DCUN1D1: variants seen among roughly 807,000 people sequenced by gnomAD.
DCUN1D1 encodes the protein DCN1-like protein 1.
DCUN1D1 carries 3 observed loss-of-function variants against 39.0 expected under a neutral mutation model. That is an observed-to-expected ratio of 0.08 (90% CI 0.04 to 0.20). The LOEUF is 0.20. Ranked by LOEUF, DCUN1D1 falls within the 10% of genes least tolerant of loss-of-function variation. The probability of loss-of-function intolerance (pLI) is 1.00; values close to 1 mark genes in which losing one functional copy is unlikely to be tolerated. For synonymous variants in DCUN1D1, 82 were observed against 96.3 expected (o/e 0.85, Z 0.87); for missense variants, 158 against 302.4 (o/e 0.52, Z 3.54).
intron 1 of DCUN1D1, among the ~76,000 whole-genome samples, chr3:182,975,801 T>G (rs1728204452): frequency 7.8e-6 from 1 of 127,666 alleles, no homozygotes; most frequent in East Asian, 2.3e-4. Context: ...CTCTGCCACA[T>G]ACTAGCATGA....
chr3:182,961,440 T>G, intron 3 of DCUN1D1, 84 bp from the exon 4 acceptor site: 1 of 1,214,784 alleles, frequency 8.2e-7, no homozygotes, highest in Non-Finnish European at 1.2e-6. Context: ...GGCTTACATT[T>G]ATTTCCTAGA....
rs1256870172 is a variant in DCUN1D1, at chr3:182,940,565, T to G, written c.*4529A>C. 1 of 152,188 alleles carries G rather than the reference T, an allele frequency of 6.6e-6. No individual in the cohort carries two copies. The highest frequency in any genetic ancestry group is 2.4e-5 in the African/African-American group (1 of 41,444). The allele number at this position is 152,188 out of a possible 1,614,324, so 9.4% of individuals were successfully genotyped here. ...CTAAAGCCAATCATTAAAAAAAATT[T>G]TTTTAACTGAGTATTTTTCCCCAAA... is the stretch of plus-strand genomic sequence containing the variant. On this transcript the variant is annotated 3_prime_UTR_variant, in exon 7 of 7. Transcript: ENST00000292782.
chr3:182,973,900 G>A (rs949731631), intron 1 of DCUN1D1, among the ~76,000 whole-genome samples: 3 of 152,020 alleles, frequency 2.0e-5, no homozygotes, highest in African/African-American at 7.2e-5. Flanking sequence ...TTAAAAAGTA[G>A]GCAACTAATG....
At chr3:182,950,639 G>C (rs1051704122) in intron 4 of DCUN1D1, 6 of 151,922 alleles carry the variant, frequency 3.9e-5, no homozygotes, top group African/African-American at 1.5e-4. Context: ...ATAGCACTCA[G>C]AGTCTTCTAC....
At chr3:182,951,981 C>T (rs1191850027) in intron 4 of DCUN1D1, among the ~76,000 whole-genome samples, 1 of 152,120 alleles carries the variant, frequency 6.6e-6, no homozygotes, top group East Asian at 1.9e-4. Context: ...CAGGTGTGAG[C>T]CACCACGCAC....
intron 4 of DCUN1D1, among the ~76,000 whole-genome samples, chr3:182,950,158 T>C (rs1270856255): frequency 2.0e-5 from 3 of 151,516 alleles, no homozygotes; most frequent in African/African-American, 7.3e-5. Context: ...TCACTTATCT[T>C]TTTTTTTTGA....
At position 182,939,842 on chromosome 3, in the gene DCUN1D1, A is replaced by G. The variant is rs576266606; in HGVS notation, c.*5252T>C. 1.3e-5 allele frequency: 2 copies of G among 152,308 alleles called. No homozygotes were observed. The highest frequency in any genetic ancestry group is 3.4e-3 in the Middle Eastern group (1 of 294). The allele number at this position is 152,308 out of a possible 1,614,324, so 9.4% of individuals were successfully genotyped here. ...AATTTTACAGTGTGTAAATTATACA[A>G]AGCAATTTTTTAAGTACCATTGTAA... On this transcript the variant is annotated 3_prime_UTR_variant, in exon 7 of 7. Coordinates refer to ENST00000292782, the MANE Select transcript of DCUN1D1 (RefSeq NM_020640.4).
At chr3:182,974,088 C>T (rs1377953081) in intron 1 of DCUN1D1, among the ~76,000 whole-genome samples, 2 of 151,536 alleles carry the variant, frequency 1.3e-5, no homozygotes, top group Admixed American at 1.3e-4. Flanking sequence ...CCTGTCTCTA[C>T]TAAAAATACA....
In DCUN1D1 at chr3:182,965,557, T is replaced by C. The variant is rs1727629167; in HGVS notation, c.200A>G (p.Gln67Arg). The change falls in exon 2 of 7, where the codon CAG becomes CGG. Residue 67 changes from glutamine (Q) to arginine (R), a missense_variant. Physicochemically the swap from Gln to Arg is conservative, Grantham distance 43. This residue lies in a region of DCUN1D1 where 107 missense variants were observed against 174.7 expected (regional missense o/e 0.61). Coordinates refer to ENST00000292782, the MANE Select transcript of DCUN1D1 (RefSeq NM_020640.4). ...CTCACCTTTGTATCTATTGTACAGCTGTTCTAACTTCTTCCTGTCCAATGA... is the reference window on the plus strand; with the variant it reads ...CTCACCTTTGTATCTATTGTACAGCCGTTCTAACTTCTTCCTGTCCAATGA... Reference protein sequence around the residue: ...KGSLDRKKLEQLYNRYKDPQD... With the variant: ...KGSLDRKKLERLYNRYKDPQD... 1 of 1,612,870 alleles carries C rather than the reference T, an allele frequency of 6.2e-7. No homozygotes were observed. The highest frequency in any genetic ancestry group is 8.5e-7 in the Non-Finnish European group (1 of 1,179,040).
intron 4 of DCUN1D1, among the ~76,000 whole-genome samples, chr3:182,950,417 A>G (rs899342058): frequency 3.9e-5 from 6 of 151,992 alleles, no homozygotes; most frequent in African/African-American, 1.4e-4. Context: ...AAGTGCTGGG[A>G]TTACAGGCAT....
At chr3:182,945,479 T>C (rs1199138977) in intron 6 of DCUN1D1, among the ~76,000 whole-genome samples, 2 of 152,152 alleles carry the variant, frequency 1.3e-5, no homozygotes, top group East Asian at 3.9e-4. Context: ...CCAATGGAAG[T>C]AATTTGGTCA....
At chr3:182,977,651 G>C (rs1293254634) in intron 1 of DCUN1D1, among the ~76,000 whole-genome samples, 2 of 151,860 alleles carry the variant, frequency 1.3e-5, no homozygotes, top group Non-Finnish European at 2.9e-5. Context: ...GGCCAGGCTG[G>C]TCTCAAACTC....
intron 1 of DCUN1D1, among the ~76,000 whole-genome samples, chr3:182,967,383 G>C (rs1387706702): frequency 6.6e-6 from 1 of 152,016 alleles, no homozygotes; most frequent in Non-Finnish European, 1.5e-5. Flanking sequence ...CATACTGCTT[G>C]CTGTACATAT....
chr3:182,983,327 T>C (rs1037369989), upstream of DCUN1D1, among the ~76,000 whole-genome samples: 3 of 152,234 alleles, frequency 2.0e-5, no homozygotes, highest in East Asian at 1.9e-4. Flanking sequence ...CTAACTCATA[T>C]AACCTCACTT....
At chr3:182,981,122 C>A (rs999977529), upstream of DCUN1D1, among the ~76,000 whole-genome samples, 6 of 152,056 alleles carry the variant, frequency 3.9e-5, no homozygotes, top group Admixed American at 2.6e-4. Context: ...TTAGTCCCCC[C>A]CCTGCGGTGG....
chr3:182,980,668 C>G (rs1728503251), upstream of DCUN1D1: 16 of 785,716 alleles, frequency 2.0e-5, no homozygotes, highest in Non-Finnish European at 2.3e-5. Flanking sequence ...CGGAGGCAGG[C>G]GGAGGGCGCC....
chr3:182,945,440 T>C (rs1054563608), intron 6 of DCUN1D1, among the ~76,000 whole-genome samples: 1 of 152,182 alleles, frequency 6.6e-6, no homozygotes, highest in South Asian at 2.1e-4. Context: ...TCATCAATAA[T>C]ATGATTTTCT....
upstream of DCUN1D1, among the ~76,000 whole-genome samples, chr3:182,983,771 G>A (rs927840467): frequency 3.9e-5 from 6 of 151,928 alleles, no homozygotes; most frequent in South Asian, 6.2e-4. Flanking sequence ...AAACCTGATA[G>A]TCTGGCTATC....
intron 1 of DCUN1D1, among the ~76,000 whole-genome samples, chr3:182,973,469 C>T (rs181172090): frequency 1.6e-4 from 24 of 152,286 alleles, no homozygotes; most frequent in African/African-American, 5.8e-4. Flanking sequence ...ATACATACTA[C>T]GTAATTATTG....
Sources: allele counts gnomAD v4.1 joint callset (sites outside exome capture counted in the v4.1 genomes callset), GRCh38; gene constraint gnomAD v4.1.1; regional missense constraint gnomAD v4.1.1; transcripts MANE v1.5; gene names NCBI Gene and HGNC (gene_info 2026-07-23, HGNC 2026-07-21).